DEPDC5: variants seen among roughly 807,000 people sequenced by gnomAD.
The protein encoded by DEPDC5 is DEP domain containing 5, GATOR1 subcomplex subunit, also known as GATOR1 complex protein DEPDC5.
DEPDC5 carries 73 observed loss-of-function variants against 217.3 expected under a neutral mutation model. The ratio of observed to expected loss-of-function variants is 0.34; its 90% CI spans 0.28 to 0.41. The LOEUF (loss-of-function observed/expected upper bound fraction) is 0.41, where lower values mean the gene tolerates loss of function less well. Among genes scored for constraint, DEPDC5 ranks in the 10% least tolerant of loss-of-function variants. The pLI is 1.00. For synonymous variants in DEPDC5, 733 were observed against 756.7 expected (o/e 0.97, Z 0.51); for missense variants, 1,675 against 2,070.1 (o/e 0.81, Z 3.70).
chr22:31,907,022 T>TAATGATA lies in DEPDC5; in HGVS notation c.*525_*526insAATGATA. ...AAGAGCTCCACGTGCATCATTTCTT[T>TAATGATA]CCCCACCCAGTTCCCCACAGAAGCA... On this transcript the variant is annotated 3_prime_UTR_variant, in exon 43 of 43. Transcript: ENST00000651528. 1 of 159,054 alleles carries TAATGATA rather than the reference T, an allele frequency of 6.3e-6. No homozygotes were observed. The highest frequency in any genetic ancestry group is 5.9e-5 in the Admixed American group (1 of 16,836). 9.9% of individuals were successfully genotyped at this position (159,054 alleles called of 1,614,324 possible).
At chr22:31,859,906 A>G (rs1253805954) in intron 32 of DEPDC5, among the ~76,000 whole-genome samples, 2 of 152,162 alleles carry the variant, frequency 1.3e-5, no homozygotes, top group African/African-American at 2.4e-5. Context: ...CTCTGCTTCT[A>G]TATGTTCTGG....
chr22:31,902,169 T>TA (rs1435351201), intron 41 of DEPDC5, among the ~76,000 whole-genome samples: 1 of 151,920 alleles, frequency 6.6e-6, no homozygotes, highest in Non-Finnish European at 1.5e-5. Flanking sequence ...AATGAATGGT[T>TA]AAAAAGCAAT....
In DEPDC5 at chr22:31,906,676, C is replaced by A; in HGVS notation, c.*179C>A. 2 of 795,980 alleles carry A rather than the reference C, an allele frequency of 2.5e-6. No individual in the cohort carries two copies. The highest frequency in any genetic ancestry group is 1.8e-5 in the South Asian group (1 of 55,330). The allele number at this position is 795,980 out of a possible 1,614,324, so 49.3% of individuals were successfully genotyped here. A position where few individuals can be genotyped will look rare whatever the true frequency, so the allele number is the denominator to read the frequency against. The stretch of plus-strand genomic sequence containing the variant: ...TTTGTTTTTGGCCCCCACGACAAGT[C>A]TTCTACTCTAGAAGAAAGACTTTGG... On this transcript the variant is annotated 3_prime_UTR_variant, in exon 43 of 43. Transcript: ENST00000651528. This position sits in a 1 kb window ranked among gnomAD's most constrained non-coding sequence, Gnocchi z 5.1.
intron 11 of DEPDC5, 161 bp from the exon 12 acceptor site, chr22:31,792,584 T>G: frequency 2.5e-6 from 1 of 402,774 alleles, no homozygotes; most frequent in East Asian, 5.6e-5. Flanking sequence ...CCAGTCTGGG[T>G]GACAGAGTGA....
Position 31,821,529 on chromosome 22 carries a change from A to T in DEPDC5, c.1898A>T (p.His633Leu). The T allele has an allele frequency of 6.2e-7, 1 of 1,614,204 alleles. No individual in the cohort carries two copies. The highest frequency in any genetic ancestry group is 8.5e-7 in the Non-Finnish European group (1 of 1,180,030). The change falls in exon 23 of 43, where the codon CAC (histidine) becomes CTC (leucine). Residue 633 changes from histidine to leucine, a missense_variant. This residue lies in a region of DEPDC5 where 136 missense variants were observed against 132.2 expected (regional missense o/e 1.03). Transcript: ENST00000651528. ...VGPSGEAIQI[H>L]HQTRQNMAEL... ...CCATCCGGAGAAGCCATCCAGATCCACCACCAGACCCGACAGAATATGGCG... is the reference window on the plus strand; with the variant it reads ...CCATCCGGAGAAGCCATCCAGATCCTCCACCAGACCCGACAGAATATGGCG...
chr22:31,886,104 C>T (rs548973288), intron 38 of DEPDC5, among the ~76,000 whole-genome samples: 1 of 152,262 alleles, frequency 6.6e-6, no homozygotes, highest in East Asian at 1.9e-4. Context: ...TCACTACAAC[C>T]TCAAACTCCT....
intron 12 of DEPDC5, among the ~76,000 whole-genome samples, chr22:31,795,366 G>T (rs1395388844): frequency 6.6e-6 from 1 of 151,058 alleles, no homozygotes; most frequent in Non-Finnish European, 1.5e-5. Context: ...CACTGCGCTG[G>T]GCCTCCATGT....
intron 20 of DEPDC5, among the ~76,000 whole-genome samples, chr22:31,812,562 C>T (rs143790370): frequency 0.019 from 2,427 of 130,738 alleles, 133 homozygotes; most frequent in South Asian, 0.042. Context: ...GTAGCTGGGA[C>T]TACAGGCGCC....
chr22:31,762,665 A>G (rs2082493435), intron 4 of DEPDC5, among the ~76,000 whole-genome samples: 1 of 152,172 alleles, frequency 6.6e-6, no homozygotes, highest in Non-Finnish European at 1.5e-5. Context: ...CGGGAAGCTG[A>G]GGCAGGAGAA....
At chr22:31,852,656 T>C (rs923801604) in intron 31 of DEPDC5, among the ~76,000 whole-genome samples, 5 of 152,208 alleles carry the variant, frequency 3.3e-5, no homozygotes, top group African/African-American at 9.6e-5. Context: ...TTTTTTTAAA[T>C]CAAATTCCTG....
At chr22:31,754,006 A>G (rs2075101149), upstream of DEPDC5, 1 of 152,046 alleles carries the variant, frequency 6.6e-6, no homozygotes, top group Non-Finnish European at 1.5e-5. Context: ...GGTGAGCGCT[A>G]CACGGTCGGG....
At chr22:31,788,630 A>G (rs1053501906) in intron 10 of DEPDC5, among the ~76,000 whole-genome samples, 3 of 150,912 alleles carry the variant, frequency 2.0e-5, no homozygotes, top group East Asian at 2.0e-4. Flanking sequence ...CTGGAGTACA[A>G]TGGTGTGATC....
At chr22:31,893,170 G>A (rs556128032) in intron 38 of DEPDC5, among the ~76,000 whole-genome samples, 10 of 152,126 alleles carry the variant, frequency 6.6e-5, no homozygotes, top group Admixed American at 2.0e-4. Context: ...CACTGTGCCC[G>A]GCTGGTGTTG....
chr22:31,901,558 A>AAAGAAAG (rs1337863886), intron 40 of DEPDC5, among the ~76,000 whole-genome samples, 184 bp from the exon 41 acceptor site: 2 of 152,192 alleles, frequency 1.3e-5, no homozygotes, highest in East Asian at 3.9e-4. Flanking sequence ...GTGAACACAC[A>AAAGAAAG]GCTGTCCTTT....
intron 40 of DEPDC5, among the ~76,000 whole-genome samples, chr22:31,899,528 A>T (rs1219481096): frequency 6.6e-6 from 1 of 152,038 alleles, no homozygotes; most frequent in Non-Finnish European, 1.5e-5. Flanking sequence ...AGCTGGGATT[A>T]CAGGCACACG....
intron 33 of DEPDC5, among the ~76,000 whole-genome samples, chr22:31,862,351 G>A (rs2092546103): frequency 6.6e-6 from 1 of 152,104 alleles, no homozygotes; most frequent in Admixed American, 6.6e-5. Context: ...GATCACTTGA[G>A]GTCAGGAGTT....
intron 39 of DEPDC5, among the ~76,000 whole-genome samples, chr22:31,896,123 C>T (rs757028153): frequency 6.6e-6 from 1 of 152,074 alleles, no homozygotes; most frequent in Non-Finnish European, 1.5e-5. Context: ...GCAACTGTCT[C>T]TGTAAAGTAC....
At position 31,907,376 on chromosome 22, in the gene DEPDC5, T is replaced by G. The variant is rs941474585; in HGVS notation, c.*879T>G. On this transcript the variant is annotated 3_prime_UTR_variant, in exon 43 of 43. Transcript: ENST00000651528. ...TTTGTAGACTCTAACTTAGGTTTTT[T>G]TTGTTGTTGTTTTTTTTGTTGTTTT... The G allele has an allele frequency of 1.3e-5, 2 of 149,216 alleles. No individual in the cohort carries two copies. Among genetic ancestry groups the G allele is most frequent in the South Asian group, 4.2e-4 (2 of 4,768 alleles). 9.2% of individuals were successfully genotyped at this position (149,216 alleles called of 1,614,324 possible).
At chr22:31,902,404 C>A (rs1305666062) in intron 41 of DEPDC5, among the ~76,000 whole-genome samples, 1 of 80,526 alleles carries the variant, frequency 1.2e-5, no homozygotes, top group Non-Finnish European at 2.3e-5. Context: ...CTGTCATCTC[C>A]TTATTATATA....
Sources: allele counts gnomAD v4.1 joint callset (sites outside exome capture counted in the v4.1 genomes callset), GRCh38; gene constraint gnomAD v4.1.1; regional missense constraint gnomAD v4.1.1; non-coding constraint Gnocchi (gnomAD v3.1); transcripts MANE v1.5; gene names NCBI Gene and HGNC (gene_info 2026-07-23, HGNC 2026-07-21).